UBE3B: variants seen among roughly 807,000 people sequenced by gnomAD.
UBE3B encodes ubiquitin-protein ligase E3B.
A neutral mutation model predicts 132.3 loss-of-function variants in UBE3B; 80 were observed. That is an observed-to-expected ratio of 0.60 (90% CI 0.50 to 0.73). UBE3B has a LOEUF of 0.73. Ranked by LOEUF, UBE3B falls within the 30% of genes least tolerant of loss-of-function variation. The pLI is 0.00. For synonymous variants in UBE3B, 487 were observed against 520.4 expected, an observed-to-expected ratio of 0.94 and a Z score of 0.87; for missense variants, 1,196 against 1,362.5, an observed-to-expected ratio of 0.88 and a Z score of 1.92.
chr12:109,507,466 G>A, intron 14 of UBE3B, 98 bp from the exon 15 acceptor site: 1 of 1,307,958 alleles, frequency 7.6e-7, no homozygotes, highest in African/African-American at 1.5e-5. Flanking sequence ...AAATGTTCAT[G>A]GATAGGTTTA....
chr12:109,534,507 C>T lies in UBE3B; in HGVS notation c.3016-84C>T, dbSNP rs1883270496. 6.6e-7 allele frequency: 1 copy of T among 1,522,424 alleles called. No homozygotes were observed. Among genetic ancestry groups the T allele is most frequent in the Admixed American group, 2.1e-5 (1 of 47,620 alleles). 94.3% of individuals were successfully genotyped at this position (1,522,424 alleles called of 1,614,324 possible). A position where few individuals can be genotyped will look rare whatever the true frequency, so the allele number is the denominator to read the frequency against. ...AGCATCCAGGGACTGGCCAGATCCC[C>T]TCCCTGGGCTCCCTGGCCTTGGCAT... is the stretch of plus-strand genomic sequence containing the variant. On this transcript the variant is annotated intron_variant, in intron 27 of 27. Transcript: ENST00000342494. The surrounding 1 kb of genome is among the most constrained non-coding windows in gnomAD (Gnocchi z 5.2).
At chr12:109,480,650 TAAA>T (rs35317381) in intron 1 of UBE3B, among the ~76,000 whole-genome samples, 19 of 142,466 alleles carry the variant, frequency 1.3e-4, no homozygotes, top group Non-Finnish European at 1.1e-4. Context: ...GACCCTGCCT[TAAA>T]AAAAAAAAAA....
At chr12:109,496,015 A>G (rs1434297892) in intron 9 of UBE3B, among the ~76,000 whole-genome samples, 1 of 152,220 alleles carries the variant, frequency 6.6e-6, no homozygotes, top group African/African-American at 2.4e-5. Context: ...ATCTAATTCC[A>G]TAATATTTTA....
intron 1 of UBE3B, among the ~76,000 whole-genome samples, chr12:109,479,301 A>T (rs770640587): frequency 6.6e-6 from 1 of 152,230 alleles, no homozygotes; most frequent in Non-Finnish European, 1.5e-5. Flanking sequence ...GCTTTTAGAT[A>T]TCCTATATTA....
intron 6 of UBE3B, among the ~76,000 whole-genome samples, chr12:109,487,847 G>A (rs1032876976): frequency 3.3e-5 from 5 of 152,106 alleles, no homozygotes; most frequent in South Asian, 2.1e-4. Flanking sequence ...TCTTACTGTC[G>A]ATGAGCTTTG....
In UBE3B at chr12:109,523,992, C is replaced by T. The variant is rs143424446; in HGVS notation, c.2379C>T (p.Asp793=). 9.3e-5 allele frequency: 150 copies of T among 1,613,914 alleles called. No individual in the cohort carries two copies. Among genetic ancestry groups the T allele is most frequent in the African/African-American group, 2.4e-4 (18 of 74,926 alleles). The stretch of plus-strand genomic sequence containing the variant: ...TGCTCTCCCAGGGAATTGTGGTGGA[C>T]GTGCCATTTGCATCCTTCTTCCTGA... ...GKAVYEGIVV[D]VPFASFFLSQ... Residue 793 remains aspartate, a synonymous_variant, in exon 22 of 28, where the codon GAC becomes GAT. Transcript: ENST00000342494.
intron 19 of UBE3B, among the ~76,000 whole-genome samples, chr12:109,518,246 A>G (rs1023954617): frequency 5.3e-5 from 8 of 152,272 alleles, no homozygotes; most frequent in African/African-American, 1.9e-4. Flanking sequence ...ACCCAGCCTC[A>G]GTGTTGGGGA....
At chr12:109,537,953 G>A (rs1447246809), downstream of UBE3B, among the ~76,000 whole-genome samples, 3 of 152,040 alleles carry the variant, frequency 2.0e-5, no homozygotes, top group East Asian at 1.9e-4. Context: ...CCCCCGCCTC[G>A]GCCTCCCAAA....
Position 109,503,009 on chromosome 12 carries a change from T to C in UBE3B, c.1283-14T>C, listed in dbSNP as rs753850453. 1 of 1,614,076 alleles carries C rather than the reference T, an allele frequency of 6.2e-7. No homozygotes were observed. The highest frequency in any genetic ancestry group is 8.5e-7 in the Non-Finnish European group (1 of 1,179,990). ...CTGAGCTGCTGCTCACATGTCTTCT[T>C]TTCTCCATGCCAGGTCTCCTAAAGC... On this transcript the variant is annotated splice_polypyrimidine_tract_variant and intron_variant, in intron 13 of 27. Coordinates refer to ENST00000342494, the MANE Select transcript of UBE3B (RefSeq NM_130466.4).
chr12:109,484,243 C>A (rs1875988751), intron 4 of UBE3B, among the ~76,000 whole-genome samples: 2 of 151,832 alleles, frequency 1.3e-5, no homozygotes, highest in African/African-American at 2.4e-5. Flanking sequence ...GTAAAAAAAA[C>A]ATATATGAGA....
In UBE3B at chr12:109,486,471, G is replaced by C; in HGVS notation, c.343G>C (p.Val115Leu). ...SSMDAENEPKVWYVSLACSKD... is the reference protein window; with the variant it reads ...SSMDAENEPKLWYVSLACSKD... ...ACATTCCTCTTTTTCCCACCTATAG[G>C]TGTGGTATGTGTCCCTGGCTTGTTC... Residue 115 changes from valine (V) to leucine (L), a missense_variant and splice_region_variant, in exon 6 of 28, where the codon GTG becomes CTG. Val to Leu is a conservative substitution (Grantham distance 32). Coordinates refer to ENST00000342494, the MANE Select transcript of UBE3B (RefSeq NM_130466.4). 6.3e-7 allele frequency: 1 copy of C among 1,599,044 alleles called. No homozygotes were observed. Among genetic ancestry groups the C allele is most frequent in the Non-Finnish European group, 8.5e-7 (1 of 1,174,236 alleles).
chr12:109,490,913 G>C, intron 8 of UBE3B, 132 bp from the exon 9 acceptor site: 1 of 1,139,428 alleles, frequency 8.8e-7, no homozygotes, highest in Non-Finnish European at 1.2e-6. Context: ...GGGACTGTAG[G>C]TACAAGCCAC....
intron 25 of UBE3B, 78 bp from the exon 26 acceptor site, chr12:109,530,469 C>T (rs1882829331): frequency 6.4e-6 from 8 of 1,241,514 alleles, no homozygotes; most frequent in South Asian, 6.2e-5. Context: ...ACCGTGCCAG[C>T]TGTCTGCATG....
At chr12:109,530,724 A>G (rs1882853166) in intron 26 of UBE3B, 66 bp downstream of exon 26, 4 of 1,480,354 alleles carry the variant, frequency 2.7e-6, no homozygotes, top group Non-Finnish European at 3.8e-6. Flanking sequence ...CAGTTGATGT[A>G]ATAATTTACG....
rs566986756 is a variant in UBE3B, at chr12:109,489,978, C to G, written c.604C>G (p.Gln202Glu). 5.0e-6 allele frequency: 8 copies of G among 1,614,242 alleles called. No individual in the cohort carries two copies. In the South Asian group the frequency reaches 8.8e-5, roughly 18 times the overall value. ...ICANIMGHLN[Q>E]HGFYSVLQIL... ...TGCAAATATAATGGGACATCTCAACCAGCATGGATTTTATTCTGTGCTGCA... is the reference window on the plus strand; with the variant it reads ...TGCAAATATAATGGGACATCTCAACGAGCATGGATTTTATTCTGTGCTGCA... Residue 202 changes from glutamine to glutamate, a missense_variant, in exon 8 of 28, where the codon CAG becomes GAG. Transcript: ENST00000342494.
the UBE3B span, among the ~76,000 whole-genome samples, chr12:109,547,679 C>G: frequency 1.3e-5 from 2 of 152,208 alleles, no homozygotes; most frequent in East Asian, 3.9e-4. This position sits in a 1 kb window ranked among gnomAD's most constrained non-coding sequence, Gnocchi z 4.1. Context: ...AGCGAAACCA[C>G]GTTTCCTTGA....
chr12:109,522,082 T>C lies in UBE3B; in HGVS notation c.2364+531T>C, dbSNP rs147845375. ...CTGTTCCTAGTCAGCCGTGTGACCA[T>C]GTGCCTTCAAGTTTCTTTAGTTTTT... On this transcript the variant is annotated intron_variant, in intron 21 of 27. Coordinates refer to ENST00000342494, the MANE Select transcript of UBE3B (RefSeq NM_130466.4). The surrounding 1 kb of genome is among the most constrained non-coding windows in gnomAD (Gnocchi z 4.2). Among the ~76,000 whole-genome samples the C allele has an allele frequency of 3.3e-4, 50 of 152,352 alleles. No homozygotes were observed. Among genetic ancestry groups the C allele is most frequent in the African/African-American group, 9.4e-4 (39 of 41,580 alleles).
At chr12:109,542,201 G>A in the UBE3B span, among the ~76,000 whole-genome samples, 2 of 152,202 alleles carry the variant, frequency 1.3e-5, no homozygotes, top group Non-Finnish European at 2.9e-5. Context: ...TGGCGCCTGT[G>A]TCATCACTGC....
In UBE3B at chr12:109,515,166, G is replaced by T. The variant is rs1003320411; in HGVS notation, c.1957-1599G>T. On this transcript the variant is annotated intron_variant, in intron 18 of 27. Coordinates refer to ENST00000342494, the MANE Select transcript of UBE3B (RefSeq NM_130466.4). ...CTGACCTCATGATCCGCCCGCCTAG[G>T]CCTCCCAAAGTGCTGGGATTACAGG... 1.1e-4 allele frequency among the ~76,000 whole-genome samples: 16 copies of T among 151,888 alleles called. 1 individual carries two copies. Among genetic ancestry groups the T allele is most frequent in the Non-Finnish European group, 2.2e-4 (15 of 67,954 alleles).
Sources: gnomAD v4.1 joint callset for allele counts (sites outside exome capture counted in the v4.1 genomes callset) on GRCh38, gnomAD v4.1.1 for gene constraint, Gnocchi (gnomAD v3.1) non-coding constraint, MANE v1.5 for transcripts, NCBI Gene and HGNC (gene_info 2026-07-23, HGNC 2026-07-21) for gene names.